Variants in DLG2 observed in about 807,000 individuals in gnomAD.
DLG2 encodes the protein discs large MAGUK scaffold protein 2.
Under a neutral mutation model 132.5 loss-of-function variants are expected in DLG2, and 45 were observed. That is an observed-to-expected ratio of 0.34 (90% confidence interval 0.27 to 0.44). The LOEUF (loss-of-function observed/expected upper bound fraction) is 0.44. Ranked by LOEUF, DLG2 falls within the 20% of genes least tolerant of loss-of-function variation. DLG2 has a pLI of 1.00. For synonymous variants in DLG2, 424 were observed against 419.6 expected, an observed-to-expected ratio of 1.01 and a Z score of -0.13; for missense variants, 1,045 against 1,196.9, an observed-to-expected ratio of 0.87 and a Z score of 1.87.
chr11:84,721,269 C>T (rs529209642), intron 6 of DLG2, among the ~76,000 whole-genome samples: 92 of 152,294 alleles, frequency 6.0e-4, no homozygotes, highest in African/African-American at 2.1e-3. Flanking sequence ...AAAATGATTT[C>T]GCTGGTGCCC....
At chr11:84,506,656 TAA>T (rs1029932548) in intron 7 of DLG2, among the ~76,000 whole-genome samples, 2 of 152,202 alleles carry the variant, frequency 1.3e-5, no homozygotes, top group African/African-American at 4.8e-5. Flanking sequence ...TCCCAAACTG[TAA>T]GATAATAAAT....
At chr11:85,572,119 G>A (rs534521644) in intron 3 of DLG2, among the ~76,000 whole-genome samples, 7 of 152,108 alleles carry the variant, frequency 4.6e-5, no homozygotes, top group Non-Finnish European at 8.8e-5. Flanking sequence ...CCAAAGTGCT[G>A]AGAAAGTTGA....
intron 6 of DLG2, among the ~76,000 whole-genome samples, chr11:84,671,651 A>C (rs2099706027): frequency 6.6e-6 from 1 of 152,186 alleles, no homozygotes. Flanking sequence ...CAAAATAAAA[A>C]GTGACTTGTG....
intron 9 of DLG2, among the ~76,000 whole-genome samples, chr11:84,137,524 G>A (rs192183934): frequency 6.6e-6 from 1 of 152,030 alleles, no homozygotes; most frequent in African/African-American, 2.4e-5. Flanking sequence ...ATATTTCATA[G>A]CTCAAACAAA....
chr11:84,225,108 C>A (rs767765914), intron 8 of DLG2, among the ~76,000 whole-genome samples: 43 of 152,282 alleles, frequency 2.8e-4, no homozygotes, highest in Non-Finnish European at 5.7e-4. Context: ...AAATCTAAGG[C>A]CTTCTTGAAG....
At chr11:83,853,020 G>A (rs532799642) in intron 16 of DLG2, among the ~76,000 whole-genome samples, 54 of 152,166 alleles carry the variant, frequency 3.5e-4, no homozygotes, top group Non-Finnish European at 2.8e-4. Context: ...GCCAACTTTG[G>A]ACACTGATAA....
chr11:84,846,624 C>T (rs535604893), intron 6 of DLG2, among the ~76,000 whole-genome samples: 1 of 152,264 alleles, frequency 6.6e-6, no homozygotes, highest in Non-Finnish European at 1.5e-5. Flanking sequence ...CGTGTGGTAG[C>T]TGGTTTCCAA....
At chr11:84,658,967 C>T (rs2099691465) in intron 6 of DLG2, among the ~76,000 whole-genome samples, 1 of 152,132 alleles carries the variant, frequency 6.6e-6, no homozygotes, top group Non-Finnish European at 1.5e-5. Flanking sequence ...AGGAACTGAG[C>T]CCTCACTAAA....
At chr11:85,469,548 G>A (rs2092916328) in intron 3 of DLG2, 1 of 152,222 alleles carries the variant, frequency 6.6e-6, no homozygotes, top group Admixed American at 6.5e-5. Flanking sequence ...GCATCCAACT[G>A]TAGTAATTAT....
At chr11:85,164,048 T>A (rs1477736192) in intron 4 of DLG2, among the ~76,000 whole-genome samples, 2 of 152,162 alleles carry the variant, frequency 1.3e-5, no homozygotes, top group Non-Finnish European at 2.9e-5. Context: ...TTTCTGGGGC[T>A]GGTGAAGCCA....
At chr11:84,565,367 T>C (rs915915146) in intron 6 of DLG2, among the ~76,000 whole-genome samples, 2 of 152,142 alleles carry the variant, frequency 1.3e-5, no homozygotes, top group African/African-American at 4.8e-5. Flanking sequence ...CTGTAAAGAT[T>C]ACTTAATTTT....
chr11:84,930,748 T>C (rs556811683), intron 6 of DLG2, among the ~76,000 whole-genome samples: 1 of 152,202 alleles, frequency 6.6e-6, no homozygotes, highest in Non-Finnish European at 1.5e-5. Flanking sequence ...CTTTCTCTCT[T>C]CGTGATCCTC....
chr11:83,667,387 G>A (rs2075824997), intron 18 of DLG2, among the ~76,000 whole-genome samples: 2 of 152,184 alleles, frequency 1.3e-5, no homozygotes, highest in Admixed American at 6.5e-5. Flanking sequence ...CAGCTGGCAT[G>A]ATGTTAATAG....
At chr11:85,258,859 A>C (rs1488723242) in intron 4 of DLG2, among the ~76,000 whole-genome samples, 2 of 152,184 alleles carry the variant, frequency 1.3e-5, no homozygotes, top group East Asian at 3.9e-4. Flanking sequence ...ACTAACACTT[A>C]TTGAGTACCT....
chr11:83,600,926 T>A (rs867068313), intron 19 of DLG2, among the ~76,000 whole-genome samples: 3 of 152,356 alleles, frequency 2.0e-5, no homozygotes, highest in African/African-American at 7.2e-5. Context: ...AGTGCAATGA[T>A]AAACAATGTC....
At chr11:84,615,218 T>C (rs2099601843) in intron 6 of DLG2, among the ~76,000 whole-genome samples, 1 of 152,154 alleles carries the variant, frequency 6.6e-6, no homozygotes, top group South Asian at 2.1e-4. Context: ...TTATTTTTAT[T>C]GGATGAGTCT....
chr11:84,755,691 G>A (rs1366940393), intron 6 of DLG2, among the ~76,000 whole-genome samples: 1 of 152,208 alleles, frequency 6.6e-6, no homozygotes, highest in Non-Finnish European at 1.5e-5. Context: ...CCGAAGTGCT[G>A]GGATTACAGG....
intron 3 of DLG2, among the ~76,000 whole-genome samples, chr11:85,382,231 T>A (rs1208532596): frequency 6.6e-6 from 1 of 152,124 alleles, no homozygotes; most frequent in Non-Finnish European, 1.5e-5. Context: ...TATGGTCAGC[T>A]GATTTTCAAC....
intron 6 of DLG2, among the ~76,000 whole-genome samples, chr11:84,908,290 A>G (rs966231144): frequency 6.6e-6 from 1 of 152,220 alleles, no homozygotes; most frequent in Non-Finnish European, 1.5e-5. Flanking sequence ...CATATAATCA[A>G]AGATAAAGAT....
Sources: gnomAD v4.1 joint callset for allele counts (sites outside exome capture counted in the v4.1 genomes callset) on GRCh38, gnomAD v4.1.1 for gene constraint, MANE v1.5 for transcripts, NCBI Gene and HGNC (gene_info 2026-07-23, HGNC 2026-07-21) for gene names.